TMEM235: variants seen among roughly 807,000 people sequenced by gnomAD.
TMEM235 encodes transmembrane protein 235, also known as claudin-27.
Under a neutral mutation model 22.9 loss-of-function variants are expected in TMEM235, and 23 were observed. The observed-to-expected ratio is 1.00, with a 90% CI of 0.72 to 1.42. TMEM235 has a LOEUF of 1.42. Among genes scored for constraint, TMEM235 ranks in the 40% most tolerant of loss-of-function variants. The pLI is 0.00. For synonymous variants in TMEM235, 137 were observed against 140.5 expected (o/e 0.98, Z 0.17); for missense variants, 308 against 299.5 (o/e 1.03, Z -0.21).
chr17:78,231,846 C>T (rs2076583171), exon 2 of TMEM235: 11 of 1,173,776 alleles, frequency 9.4e-6, no homozygotes, highest in Non-Finnish European at 1.2e-5. Context: ...GGTCGATCTC[C>T]CTGCGACCCC....
At position 78,234,547 on chromosome 17, in the gene TMEM235, G is replaced by A. The variant is rs1357384084; in HGVS notation, c.272-46G>A. On this transcript the variant is annotated intron_variant, in intron 3 of 5. Coordinates refer to ENST00000421688, the Ensembl canonical transcript of TMEM235. ...TGTCCTCCGGCAGACAAGTGCTGAAGGGCCCACCTGGACCAGAATTCTCAC... is the reference window on the plus strand; with the variant it reads ...TGTCCTCCGGCAGACAAGTGCTGAAAGGCCCACCTGGACCAGAATTCTCAC... The A allele has an allele frequency of 3.3e-6, 5 of 1,533,192 alleles. No individual in the cohort carries two copies. The South Asian group carries it at 3.6e-5, about 11-fold the overall frequency. The allele number at this position is 1,533,192 out of a possible 1,614,324, so 95.0% of individuals were successfully genotyped here.
intron 3 of TMEM235, 131 bp downstream of exon 2, chr17:78,234,106 A>G (rs1403648475): frequency 1.2e-6 from 1 of 829,738 alleles, no homozygotes; most frequent in African/African-American, 1.7e-5. Flanking sequence ...GTTTCCACGC[A>G]GACCTGTCCC....
Position 78,234,779 on chromosome 17 carries a change from A to G in TMEM235, c.409+49A>G, listed in dbSNP as rs1471571228. 2.6e-6 allele frequency: 4 copies of G among 1,533,382 alleles called. No individual in the cohort carries two copies. In the African/African-American group the frequency reaches 5.5e-5, roughly 21 times the overall value. The allele number at this position is 1,533,382 out of a possible 1,614,324, so 95.0% of individuals were successfully genotyped here. A position where few individuals can be genotyped will look rare whatever the true frequency, so the allele number is the denominator to read the frequency against. On this transcript the variant is annotated intron_variant, in intron 4 of 5. Transcript: ENST00000421688. Reference sequence around the variant, plus strand: ...TGGCTCCAAAGATGGGAGCTGGGCCACAGGTCCCGGGAGTGGGGTGCTGCC... The same window carrying G: ...TGGCTCCAAAGATGGGAGCTGGGCCGCAGGTCCCGGGAGTGGGGTGCTGCC...
rs943667718 is a variant in TMEM235 at position 78,239,126 on chromosome 17, G to C, written c.512G>C (p.Arg171Pro). The change falls in exon 5 of 6, where the codon CGC becomes CCC. Residue 171 changes from arginine to proline, a missense_variant. By Grantham distance (103) the Arg-to-Pro change is moderately radical. Around this residue, in one of 2 missense-constraint regions of TMEM235, gnomAD observed 285 missense variants for 256.2 expected, o/e 1.11. Coordinates refer to ENST00000421688, the Ensembl canonical transcript of TMEM235. ...GGCCCGCAGCACATGCAGGGCGTCC[G>C]CGTCAGCTTCGGCTGGTCCATGGCC... 1.3e-6 allele frequency: 2 copies of C among 1,543,442 alleles called. No individual in the cohort carries two copies. Among genetic ancestry groups the C allele is most frequent in the Non-Finnish European group, 1.7e-6 (2 of 1,146,958 alleles).
intron 4 of TMEM235, among the ~76,000 whole-genome samples, chr17:78,236,974 C>T (rs1166968256): frequency 1.3e-5 from 2 of 152,198 alleles, no homozygotes; most frequent in South Asian, 2.1e-4. Context: ...AGAGGACCTT[C>T]GGGAGCCAGC....
chr17:78,231,341 C>T (rs1466391249), exon 1 of TMEM235: 2 of 1,167,638 alleles, frequency 1.7e-6, no homozygotes, highest in Non-Finnish European at 2.2e-6. Context: ...CTGTTTTCTC[C>T]GTGAGTGACT....
chr17:78,239,021 C>G lies in TMEM235; in HGVS notation c.410-3C>G, dbSNP rs959968246. ...GCAGCTGCCCTCCCCATCTCTCCCC[C>G]AGGTGTCCTGACACTGGCGGGGGTC... On this transcript the variant is annotated splice_polypyrimidine_tract_variant and splice_region_variant and intron_variant, in intron 4 of 5. Transcript: ENST00000421688. 23 of 1,537,612 alleles carry G rather than the reference C, an allele frequency of 1.5e-5. No homozygotes were observed. The highest frequency in any genetic ancestry group is 1.1e-4 in the African/African-American group (8 of 72,958).
chr17:78,232,210 G>A, exon 2 of TMEM235: 2 of 1,471,582 alleles, frequency 1.4e-6, no homozygotes, highest in Middle Eastern at 2.0e-4. Flanking sequence ...GCGCATCTGC[G>A]AAGGTAACCG....
At chr17:78,235,956 G>A (rs1164121544) in intron 4 of TMEM235, among the ~76,000 whole-genome samples, 2 of 152,156 alleles carry the variant, frequency 1.3e-5, no homozygotes, top group Non-Finnish European at 1.5e-5. Context: ...ACTATCCAGA[G>A]AACAGCACCA....
chr17:78,233,825 CT>C, intron 2 of TMEM235, 69 bp from the exon 2 acceptor site: 1 of 1,461,572 alleles, frequency 6.8e-7, no homozygotes, highest in Non-Finnish European at 9.2e-7. Context: ...AGGGGGTCCC[CT>C]GGGCTCGGGT....
chr17:78,233,005 A>T (rs2076601496), intron 2 of TMEM235, among the ~76,000 whole-genome samples: 1 of 152,192 alleles, frequency 6.6e-6, no homozygotes, highest in South Asian at 2.1e-4. Flanking sequence ...GGGCATGTAT[A>T]TGAGTGAGTG....
At chr17:78,232,917 GTGTA>G (rs1330232095) in intron 2 of TMEM235, among the ~76,000 whole-genome samples, 3 of 152,284 alleles carry the variant, frequency 2.0e-5, no homozygotes, top group South Asian at 4.1e-4. Context: ...GTGAGTGTGA[GTGTA>G]TGTAGTTGTG....
chr17:78,231,464 A>C (rs2076577698), exon 2 of TMEM235: 1 of 1,302,790 alleles, frequency 7.7e-7, no homozygotes, highest in Non-Finnish European at 1.0e-6. Flanking sequence ...CAGCCACTGC[A>C]CTTCACCGGA....
At chr17:78,239,045 T>A in exon 5 of TMEM235, 1 of 1,540,000 alleles carries the variant, frequency 6.5e-7, no homozygotes, top group Non-Finnish European at 8.7e-7. Context: ...CTGGCGGGGG[T>A]CAGCATCTAC....
rs892498823 is a variant in TMEM235, at chr17:78,231,976, C to T, written c.-48C>T. Reference sequence around the variant, plus strand: ...CCGGCTCCGCGCGCCCCCCGCCGCCCCCGGGGCCCTGCTACCCCCGACCCG... The same window carrying T: ...CCGGCTCCGCGCGCCCCCCGCCGCCTCCGGGGCCCTGCTACCCCCGACCCG... On this transcript the variant is annotated 5_prime_UTR_variant, in exon 2 of 6. Coordinates refer to ENST00000421688, the Ensembl canonical transcript of TMEM235. 5 of 1,091,848 alleles carry T rather than the reference C, an allele frequency of 4.6e-6. No individual in the cohort carries two copies. The Admixed American group carries it at 2.1e-4, about 45-fold the overall frequency. 67.6% of individuals were successfully genotyped at this position (1,091,848 alleles called of 1,614,324 possible). A position where few individuals can be genotyped will look rare whatever the true frequency, so the allele number is the denominator to read the frequency against.
intron 4 of TMEM235, among the ~76,000 whole-genome samples, chr17:78,236,975 G>C (rs753476080): frequency 6.6e-6 from 1 of 152,182 alleles, no homozygotes; most frequent in African/African-American, 2.4e-5. Flanking sequence ...GAGGACCTTC[G>C]GGAGCCAGCG....
intron 2 of TMEM235, 145 bp downstream of exon 1, chr17:78,232,358 G>T: frequency 3.8e-6 from 3 of 784,884 alleles, no homozygotes; most frequent in South Asian, 2.5e-5. Context: ...GTGTCTCTCC[G>T]CTCCCTCCCC....
chr17:78,239,117 AGGG>A (rs1567876340), exon 5 of TMEM235: 7 of 1,543,750 alleles, frequency 4.5e-6, no homozygotes, highest in Non-Finnish European at 6.1e-6. Context: ...CAGCACATGC[AGGG>A]CGTCCGCGTC....
chr17:78,234,176 CT>C (rs148735376), intron 3 of TMEM235: 136 of 704,928 alleles, frequency 1.9e-4, no homozygotes, highest in African/African-American at 9.6e-4. Context: ...CTGTTTTCCC[CT>C]GTCTCAGTTT....
Sources: gnomAD v4.1 joint callset for allele counts (sites outside exome capture counted in the v4.1 genomes callset) on GRCh38, gnomAD v4.1.1 for gene constraint, gnomAD v4.1.1 regional missense constraint, MANE v1.5 for transcripts, NCBI Gene and HGNC (gene_info 2026-07-23, HGNC 2026-07-21) for gene names.